Variants in DDIAS observed in about 807,000 individuals in gnomAD.
DDIAS encodes the protein DNA damage induced apoptosis suppressor, also known as DNA damage-induced apoptosis suppressor protein.
DDIAS carries 14 observed loss-of-function variants against 15.7 expected under a neutral mutation model. The ratio of observed to expected loss-of-function variants is 0.89; its 90% CI spans 0.59 to 1.39. DDIAS has a LOEUF of 1.39. Among genes scored for constraint, DDIAS ranks in the 40% most tolerant of loss-of-function variants. The pLI, the probability that DDIAS is intolerant of heterozygous loss-of-function variation, is 0.00. For missense variants in DDIAS, 1,035 were observed against 1,130.9 expected (o/e 0.92, Z 1.22); for synonymous variants, 355 against 395.9 (o/e 0.90, Z 1.23).
At chr11:82,911,806 T>C (rs1280463856) in intron 1 of DDIAS, among the ~76,000 whole-genome samples, 1 of 152,246 alleles carries the variant, frequency 6.6e-6, no homozygotes, top group Non-Finnish European at 1.5e-5. Context: ...GAAATGTGTT[T>C]CTGAAATAAT....
intron 1 of DDIAS, among the ~76,000 whole-genome samples, chr11:82,906,654 T>C (rs1383991202): frequency 6.6e-6 from 1 of 152,172 alleles, no homozygotes; most frequent in African/African-American, 2.4e-5. Flanking sequence ...ATTGTTGTGG[T>C]ACAGTATAAA....
At chr11:82,904,369 G>A (rs1323630399) in intron 1 of DDIAS, among the ~76,000 whole-genome samples, 2 of 152,174 alleles carry the variant, frequency 1.3e-5, no homozygotes, top group Non-Finnish European at 2.9e-5. Context: ...GTGCATGTAT[G>A]GGCACGGTTT....
chr11:82,933,989 G>A lies in DDIAS; in HGVS notation c.2651G>A (p.Gly884Asp). Residue 884 changes from glycine (G) to aspartate (D), a missense_variant, in exon 6 of 6, where the codon GGT becomes GAT. By Grantham distance (94) the Gly-to-Asp change is moderately conservative. Transcript: ENST00000533655. ...PSDMLGFQGI[G>D]LGKCLAAYHF... Reference sequence around the variant, plus strand: ...GATATGCTTGGATTCCAAGGCATAGGTCTAGGGAAATGCCTTGCTGCCTAT... The same window carrying A: ...GATATGCTTGGATTCCAAGGCATAGATCTAGGGAAATGCCTTGCTGCCTAT... 1 of 1,613,636 alleles carries A rather than the reference G, an allele frequency of 6.2e-7. No homozygotes were observed. Among genetic ancestry groups the A allele is most frequent in the South Asian group, 1.1e-5 (1 of 90,944 alleles).
At chr11:82,903,840 C>G (rs1860375435) in intron 1 of DDIAS, among the ~76,000 whole-genome samples, 1 of 152,146 alleles carries the variant, frequency 6.6e-6, no homozygotes, top group Non-Finnish European at 1.5e-5. Flanking sequence ...GATTTTCATG[C>G]AAGGCAAGAA....
In DDIAS at chr11:82,901,771, C is replaced by G. The variant is rs949047422; in HGVS notation, c.-168C>G. On this transcript the variant is annotated 5_prime_UTR_variant, in exon 1 of 6. Coordinates refer to ENST00000533655, the MANE Select transcript of DDIAS (RefSeq NM_145018.4). ...CTGCCGGCGTGCTACTGAGTTCGGC[C>G]GGTCCGAGTCACTGTGCGTCGCCTG... is the stretch of plus-strand genomic sequence containing the variant. The G allele has an allele frequency of 6.6e-6, 1 of 152,142 alleles. No homozygotes were observed. The highest frequency in any genetic ancestry group is 2.4e-5 in the African/African-American group (1 of 41,432). 9.4% of individuals were successfully genotyped at this position (152,142 alleles called of 1,614,324 possible).
At chr11:82,918,810 T>C (rs1474369863) in intron 3 of DDIAS, among the ~76,000 whole-genome samples, 1 of 151,720 alleles carries the variant, frequency 6.6e-6, no homozygotes, top group Admixed American at 6.5e-5. Context: ...TCTTCCTAAA[T>C]TTGTTTTTTT....
intron 1 of DDIAS, among the ~76,000 whole-genome samples, chr11:82,904,341 A>G (rs1039344288): frequency 6.6e-6 from 1 of 152,236 alleles, no homozygotes; most frequent in Non-Finnish European, 1.5e-5. Flanking sequence ...GGAAGAAGAA[A>G]AAAAGATGTG....
intron 2 of DDIAS, chr11:82,913,816 ATTT>A (rs1485830146): frequency 2.6e-6 from 1 of 385,646 alleles, no homozygotes; most frequent in East Asian, 7.8e-5. Flanking sequence ...TGAATTTTGG[ATTT>A]TTGAATATTT....
chr11:82,921,571 C>CTTTTTTTTTTTTTTTTTTTT (rs968751055), intron 3 of DDIAS, among the ~76,000 whole-genome samples: 11 of 78,122 alleles, frequency 1.4e-4, no homozygotes, highest in East Asian at 3.8e-4. Flanking sequence ...TTCTTTCTTT[C>CTTTTTTTTTTTTTTTTTTTT]TTTTTTTTTT....
At position 82,934,181 on chromosome 11, in the gene DDIAS, G is replaced by A. The variant is rs372434751; in HGVS notation, c.2843G>A (p.Cys948Tyr). Residue 948 changes from cysteine (C) to tyrosine (Y), a missense_variant, in exon 6 of 6, where the codon TGT becomes TAT. Physicochemically the swap from Cys to Tyr is radical, Grantham distance 194. Coordinates refer to ENST00000533655, the MANE Select transcript of DDIAS (RefSeq NM_145018.4). ...NCKSSGWISK[C>Y]PDIQVLAAPQ... ...AAAAGTTCAGGCTGGATTTCCAAAT[G>A]TCCAGACATTCAAGTCTTAGCAGCA... 7 of 1,613,918 alleles carry A rather than the reference G, an allele frequency of 4.3e-6. No homozygotes were observed. The highest frequency in any genetic ancestry group is 5.9e-6 in the Non-Finnish European group (7 of 1,180,026).
chr11:82,927,519 T>C (rs926055699), intron 3 of DDIAS, among the ~76,000 whole-genome samples: 9 of 152,244 alleles, frequency 5.9e-5, no homozygotes, highest in African/African-American at 2.2e-4. Flanking sequence ...TTCACCTTGC[T>C]TTCTGTTTGC....
intron 5 of DDIAS, among the ~76,000 whole-genome samples, chr11:82,931,154 TTAAA>T (rs1860976705): frequency 6.6e-6 from 1 of 152,186 alleles, no homozygotes; most frequent in South Asian, 2.1e-4. Flanking sequence ...AAGACTCAGG[TTAAA>T]TAAATTGTCC....
Position 82,934,089 on chromosome 11 carries a change from T to C in DDIAS, c.2751T>C (p.Ile917=). 6.2e-7 allele frequency: 1 copy of C among 1,609,624 alleles called. No homozygotes were observed. The highest frequency in any genetic ancestry group is 1.1e-5 in the South Asian group (1 of 89,560). ...GACAAGGAACCAATAAAGGTTTAATTAAGAAGAAATTAAAGAATATGCTTG... is the reference window on the plus strand; with the variant it reads ...GACAAGGAACCAATAAAGGTTTAATCAAGAAGAAATTAAAGAATATGCTTG... ...HIRQGTNKGL[I]KKKLKNMLAA... Residue 917 remains isoleucine, a synonymous_variant, in exon 6 of 6, where the codon ATT becomes ATC. Transcript: ENST00000533655.
Position 82,932,350 on chromosome 11 carries a change from A to C in DDIAS, c.1012A>C (p.Asn338His). 1 of 1,614,024 alleles carries C rather than the reference A, an allele frequency of 6.2e-7. No homozygotes were observed. Residue 338 changes from asparagine (N) to histidine (H), a missense_variant, in exon 6 of 6, where the codon AAT becomes CAT. Coordinates refer to ENST00000533655, the MANE Select transcript of DDIAS (RefSeq NM_145018.4). Reference protein sequence around the residue: ...SHHEIGVNDSNLFSLEMREPL... With the variant: ...SHHEIGVNDSHLFSLEMREPL... ...TCATGAAATTGGAGTTAATGACTCT[A>C]ATTTATTCTCTTTGGAAATGCGAGA...
intron 3 of DDIAS, among the ~76,000 whole-genome samples, chr11:82,921,554 A>G (rs1207337031): frequency 1.5e-5 from 2 of 133,920 alleles, no homozygotes; most frequent in African/African-American, 5.5e-5. Flanking sequence ...TCCTTTTCAC[A>G]GTTTTTTTCT....
At chr11:82,928,656 T>A in intron 3 of DDIAS, 121 bp from the exon 4 acceptor site, 1 of 948,558 alleles carries the variant, frequency 1.1e-6, no homozygotes, top group Non-Finnish European at 1.5e-6. Context: ...TAAGAAGAAT[T>A]TGAGTTGTGT....
Position 82,908,693 on chromosome 11 carries a change from CAGAAG to C in DDIAS, c.-116-4590_-116-4586del, listed in dbSNP as rs1860474021. Among the ~76,000 whole-genome samples, 3 of 152,196 alleles carry C rather than the reference CAGAAG, an allele frequency of 2.0e-5. No individual in the cohort carries two copies. The South Asian group carries it at 6.2e-4, about 31-fold the overall frequency. ...ATTGTTATCTGACCTTCCTAGAACTCAGAAGAGAGAAATAACCAAATTTCCCACAT... is the reference window on the plus strand; with the variant it reads ...ATTGTTATCTGACCTTCCTAGAACTCAGAGAAATAACCAAATTTCCCACAT... On this transcript the variant is annotated intron_variant, in intron 1 of 5. Transcript: ENST00000533655.
intron 3 of DDIAS, among the ~76,000 whole-genome samples, chr11:82,920,756 A>C (rs539379048): frequency 6.6e-6 from 1 of 151,940 alleles, no homozygotes; most frequent in African/African-American, 2.4e-5. Flanking sequence ...TATGATTTCA[A>C]TTTTCTTAAA....
Position 82,913,299 on chromosome 11 carries a change from T to C in DDIAS, c.-104T>C, listed in dbSNP as rs1358972550. The C allele has an allele frequency of 6.5e-6, 1 of 154,342 alleles. No individual in the cohort carries two copies. Among genetic ancestry groups the C allele is most frequent in the African/African-American group, 2.4e-5 (1 of 41,480 alleles). 9.6% of individuals were successfully genotyped at this position (154,342 alleles called of 1,614,324 possible). On this transcript the variant is annotated 5_prime_UTR_variant, in exon 2 of 6. Transcript: ENST00000533655. ...TATTTGGAGATAGGGTCTTGCTCTG[T>C]CACCCAGGCTGGAGTGCCATGGCAT...
Sources: gnomAD v4.1 joint callset for allele counts (sites outside exome capture counted in the v4.1 genomes callset) on GRCh38, gnomAD v4.1.1 for gene constraint, MANE v1.5 for transcripts, NCBI Gene and HGNC (gene_info 2026-07-23, HGNC 2026-07-21) for gene names.